TARS3: variants seen among roughly 807,000 people sequenced by gnomAD.
The protein encoded by TARS3 is threonine--tRNA ligase 2, cytoplasmic.
In TARS3, 94 loss-of-function variants were observed where a neutral mutation model predicts 103.5. The observed-to-expected ratio is 0.91, with a 90% CI of 0.77 to 1.08. TARS3 has a LOEUF of 1.08. Ranked by LOEUF, TARS3 falls within the 50% of genes least tolerant of loss-of-function variation. The pLI, the probability that TARS3 is intolerant of heterozygous loss-of-function variation, is 0.00. For missense variants in TARS3, 952 were observed against 995.2 expected (o/e 0.96, Z 0.58); for synonymous variants, 416 against 355.4 (o/e 1.17, Z -1.92).
chr15:101,666,930 G>C (rs1231026075), intron 15 of TARS3, among the ~76,000 whole-genome samples: 1 of 152,186 alleles, frequency 6.6e-6, no homozygotes, highest in East Asian at 1.9e-4. Context: ...ATGGCATGTA[G>C]TGTGTAGTAT....
intron 6 of TARS3, among the ~76,000 whole-genome samples, chr15:101,707,007 A>G (rs1186733527): frequency 6.6e-6 from 1 of 152,244 alleles, no homozygotes; most frequent in African/African-American, 2.4e-5. Flanking sequence ...AAAATGGGCA[A>G]AAGAGCTCAA....
At chr15:101,667,124 CT>C (rs879362310) in intron 15 of TARS3, among the ~76,000 whole-genome samples, 208 of 147,730 alleles carry the variant, frequency 1.4e-3, no homozygotes, top group African/African-American at 4.2e-3. Flanking sequence ...TGAAATGAAT[CT>C]TTTTTTTTTT....
At chr15:101,654,776 AC>A in intron 18 of TARS3, 46 bp from the exon 19 acceptor site, 1 of 1,578,704 alleles carries the variant, frequency 6.3e-7, no homozygotes, top group Non-Finnish European at 8.6e-7. Flanking sequence ...TCAGCAATTT[AC>A]CAAACATTAA....
chr15:101,665,010 G>A (rs1381077714), intron 15 of TARS3, among the ~76,000 whole-genome samples: 2 of 152,206 alleles, frequency 1.3e-5, no homozygotes, highest in African/African-American at 2.4e-5. Context: ...AGATGGTAAA[G>A]AGTTGGTGAA....
At chr15:101,705,405 T>C (rs907683805) in intron 7 of TARS3, among the ~76,000 whole-genome samples, 1 of 152,140 alleles carries the variant, frequency 6.6e-6, no homozygotes, top group Non-Finnish European at 1.5e-5. Flanking sequence ...AAGGACAGAA[T>C]AGAAACTCCT....
At chr15:101,681,355 A>T (rs537010655) in intron 12 of TARS3, among the ~76,000 whole-genome samples, 1 of 152,332 alleles carries the variant, frequency 6.6e-6, no homozygotes, top group East Asian at 1.9e-4. Flanking sequence ...GACTTTATAG[A>T]TCAACTTGGG....
chr15:101,671,461 ATATT>A, intron 15 of TARS3, 21 bp downstream of exon 15: 2 of 1,535,788 alleles, frequency 1.3e-6, no homozygotes, highest in Non-Finnish European at 1.8e-6. Context: ...TAGTACTATA[ATATT>A]TATCACATTC....
rs57119532 is a variant in TARS3, at chr15:101,706,497, A to G, written c.931-750T>C. 4.9e-3 allele frequency among the ~76,000 whole-genome samples: 747 copies of G among 152,350 alleles called. 34 individuals are homozygous for G. In the East Asian group the frequency reaches 0.12, roughly 25 times the overall value. On this transcript the variant is annotated intron_variant, in intron 6 of 18. Transcript: ENST00000335968. ...TTTAAAATGTAGCTGCCATAAAATT[A>G]TAGGTTACACATGTAGCTCAGACTA...
At chr15:101,702,783 C>G (rs962992356) in intron 8 of TARS3, among the ~76,000 whole-genome samples, 6 of 152,144 alleles carry the variant, frequency 3.9e-5, no homozygotes, top group African/African-American at 1.4e-4. Flanking sequence ...ATCAAACAAA[C>G]AAACAAACAA....
Position 101,694,398 on chromosome 15 carries a change from C to A in TARS3, c.1320+6688G>T, listed in dbSNP as rs547696633. On this transcript the variant is annotated intron_variant, in intron 10 of 18. Transcript: ENST00000335968. ...CGTGCTCAGCACCATGTATCCCCAG[C>A]ACTCTGGCTACTACTGACTGGTCTA... 8.5e-5 allele frequency among the ~76,000 whole-genome samples: 13 copies of A among 152,320 alleles called. No individual in the cohort carries two copies. In the South Asian group the frequency reaches 2.7e-3, roughly 32 times the overall value.
chr15:101,697,185 A>G (rs528989728), intron 10 of TARS3, among the ~76,000 whole-genome samples: 1 of 152,314 alleles, frequency 6.6e-6, no homozygotes, highest in African/African-American at 2.4e-5. Flanking sequence ...CTAGCCTGCA[A>G]GATTTCAGGC....
Position 101,724,133 on chromosome 15 carries a change from C to T in TARS3, c.255G>A (p.Leu85=). The T allele has an allele frequency of 7.0e-7, 1 of 1,437,470 alleles. No homozygotes were observed. The highest frequency in any genetic ancestry group is 9.1e-7 in the Non-Finnish European group (1 of 1,095,784). The allele number at this position is 1,437,470 out of a possible 1,614,324, so 89.0% of individuals were successfully genotyped here. A position where few individuals can be genotyped will look rare whatever the true frequency, so the allele number is the denominator to read the frequency against. The change falls in exon 1 of 19, where the codon CTG becomes CTA. Residue 85 remains leucine, a synonymous_variant. Coordinates refer to ENST00000335968, the MANE Select transcript of TARS3 (RefSeq NM_152334.3). The part of the protein sequence containing the change: ...LAEERSRQAT[L]ESAELEAAQE... Reference sequence around the variant, plus strand: ...GCGCCGCCTCTAGCTCCGCGCTCTCCAGCGTGGCCTGGCGGCTCCGCTCCT... The same window carrying T: ...GCGCCGCCTCTAGCTCCGCGCTCTCTAGCGTGGCCTGGCGGCTCCGCTCCT...
intron 15 of TARS3, among the ~76,000 whole-genome samples, chr15:101,669,725 T>C (rs774278838): frequency 2.6e-5 from 4 of 152,194 alleles, no homozygotes; most frequent in Non-Finnish European, 1.5e-5. Context: ...GTCTGTAGCC[T>C]AGAAGCAATA....
chr15:101,676,939 T>C (rs552685151), intron 12 of TARS3, among the ~76,000 whole-genome samples: 5 of 152,272 alleles, frequency 3.3e-5, no homozygotes, highest in African/African-American at 9.6e-5. Context: ...CATTAGCTAT[T>C]TATCCTGATG....
Position 101,689,571 on chromosome 15 carries a change from GAC to G in TARS3, c.1321-3511_1321-3510del, listed in dbSNP as rs199758061. On this transcript the variant is annotated intron_variant, in intron 10 of 18. Coordinates refer to ENST00000335968, the MANE Select transcript of TARS3 (RefSeq NM_152334.3). ...GCACACAAGGGGAAGACAATGTGAA[GAC>G]ACGCAGGGAGAACATCACGTGAAGA... is the stretch of plus-strand genomic sequence containing the variant. Among the ~76,000 whole-genome samples the G allele has an allele frequency of 7.9e-3, 1,203 of 152,284 alleles. 13 individuals carry two copies. The highest frequency in any genetic ancestry group is 0.013 in the Admixed American group (196 of 15,306).
chr15:101,696,844 T>C (rs114786329), intron 10 of TARS3, among the ~76,000 whole-genome samples: 4,083 of 152,298 alleles, frequency 0.027, 168 homozygotes, highest in African/African-American at 0.093. Context: ...GAGCAGCATT[T>C]CTTCCTGTTA....
intron 12 of TARS3, among the ~76,000 whole-genome samples, chr15:101,677,920 C>A (rs1898098635): frequency 6.6e-6 from 1 of 152,300 alleles, no homozygotes; most frequent in East Asian, 1.9e-4. Flanking sequence ...GTGTGTGCTA[C>A]CATGCCTGGC....
chr15:101,703,636 A>G (rs1899394860), intron 8 of TARS3, among the ~76,000 whole-genome samples: 2 of 152,330 alleles, frequency 1.3e-5, no homozygotes, highest in Admixed American at 1.3e-4. Context: ...AAGAAATGTT[A>G]TAACACTTAC....
rs112110953 is a variant in TARS3, at chr15:101,675,726, T to C, written c.1662A>G (p.Glu554=). 2 of 1,607,952 alleles carry C rather than the reference T, an allele frequency of 1.2e-6. No homozygotes were observed. Among genetic ancestry groups the C allele is most frequent in the Admixed American group, 3.4e-5 (2 of 58,164 alleles). The change falls in exon 13 of 19, where the codon GAA becomes GAG. Residue 554 remains glutamate (E), a synonymous_variant. Coordinates refer to ENST00000335968, the MANE Select transcript of TARS3 (RefSeq NM_152334.3). ...IFCTVEQIEE[E]IKGCLQFLQS... is the part of the protein sequence containing the mutation. ...GCAAAAACTGCAAACACCCCTTTAT[T>C]TCTTCTTCAATCTGAAATCAAAGCA...
Sources: gnomAD v4.1 joint callset for allele counts (sites outside exome capture counted in the v4.1 genomes callset) on GRCh38, gnomAD v4.1.1 for gene constraint, MANE v1.5 for transcripts, NCBI Gene and HGNC (gene_info 2026-07-23, HGNC 2026-07-21) for gene names.